The following DYNC1H1 variants were observed in gnomAD, a reference collection of about 807,000 sequenced individuals.
DYNC1H1 encodes dynein cytoplasmic 1 heavy chain 1.
DYNC1H1 carries 51 observed loss-of-function variants against 527.1 expected under a neutral mutation model. That is an observed-to-expected ratio of 0.10 (90% CI 0.08 to 0.12). DYNC1H1 has a LOEUF of 0.12. Ranked by LOEUF, DYNC1H1 falls within the 10% of genes least tolerant of loss-of-function variation. DYNC1H1 has a pLI of 1.00. For missense variants in DYNC1H1, 2,771 were observed against 5,971.8 expected (o/e 0.46, Z 17.66); for synonymous variants, 2,189 against 2,278.8 (o/e 0.96, Z 1.12).
At chr14:102,035,500 C>T (rs1271898425) in intron 56 of DYNC1H1, 2 of 152,162 alleles carry the variant, frequency 1.3e-5, no homozygotes. Flanking sequence ...CCTAAATGAC[C>T]CTTTGACCTA....
chr14:101,971,341 T>C (rs1361054500), intron 1 of DYNC1H1, among the ~76,000 whole-genome samples: 1 of 152,066 alleles, frequency 6.6e-6, no homozygotes. Flanking sequence ...CTCAAAGTAC[T>C]GGGATTACAG....
intron 50 of DYNC1H1, 105 bp from the exon 51 acceptor site, chr14:102,030,057 A>AGAGTGTGT: frequency 6.6e-7 from 1 of 1,520,146 alleles, no homozygotes; most frequent in Non-Finnish European, 9.0e-7. Context: ...AGGGAGAGAG[A>AGAGTGTGT]GTGTGTGTGT....
intron 28 of DYNC1H1, 34 bp from the exon 29 acceptor site, chr14:102,008,144 G>A (rs749837763): frequency 6.2e-7 from 1 of 1,612,406 alleles, no homozygotes; most frequent in South Asian, 1.1e-5. Flanking sequence ...GGCACAGCAG[G>A]TGGTTTTAGC....
At chr14:102,025,341 G>A (rs1438199735) in intron 43 of DYNC1H1, among the ~76,000 whole-genome samples, 1 of 151,930 alleles carries the variant, frequency 6.6e-6, no homozygotes, top group Non-Finnish European at 1.5e-5. Context: ...GGAGGCAGAG[G>A]TTGCAGTGAG....
In DYNC1H1 at chr14:101,964,645, T is replaced by A. The variant is rs17511851; in HGVS notation, c.-47T>A. 87 of 1,548,930 alleles carry A rather than the reference T, an allele frequency of 5.6e-5. No homozygotes were observed. In the African/African-American group the frequency reaches 1.1e-3, roughly 20 times the overall value. On this transcript the variant is annotated 5_prime_UTR_variant, in exon 1 of 78. Coordinates refer to ENST00000360184, the MANE Select transcript of DYNC1H1 (RefSeq NM_001376.5). This position sits in a 1 kb window ranked among gnomAD's most constrained non-coding sequence, Gnocchi z 5.5. ...GTCTCTTGCTGGCTGTCTCGCTGAG[T>A]CGCGGCCGCCTTCTCATCGCTCCTG... is the stretch of plus-strand genomic sequence containing the variant.
In DYNC1H1 at chr14:102,026,727, C is replaced by T. The variant is rs1595622944; in HGVS notation, c.8771+20C>T. The T allele has an allele frequency of 6.2e-7, 1 of 1,612,706 alleles. No homozygotes were observed. The highest frequency in any genetic ancestry group is 1.1e-5 in the South Asian group (1 of 90,932). ...TGACAGGTGGGCTTTTTTGTTGTTA[C>T]AGCCCCACCTCTCGCCTAAGCTGCT... On this transcript the variant is annotated intron_variant, in intron 44 of 77. Transcript: ENST00000360184.
In DYNC1H1 at chr14:102,016,130, G is replaced by T. The variant is rs1422397373; in HGVS notation, c.7473+44G>T. 1 of 1,564,938 alleles carries T rather than the reference G, an allele frequency of 6.4e-7. No homozygotes were observed. Among genetic ancestry groups the T allele is most frequent in the South Asian group, 1.2e-5 (1 of 86,134 alleles). Reference sequence around the variant, plus strand: ...CTTCACAGAGCTCACCACTGCGCCAGACCACAGGTCTGAGGACCTCTGAAA... The same window carrying T: ...CTTCACAGAGCTCACCACTGCGCCATACCACAGGTCTGAGGACCTCTGAAA... On this transcript the variant is annotated intron_variant, in intron 36 of 77. Coordinates refer to ENST00000360184, the MANE Select transcript of DYNC1H1 (RefSeq NM_001376.5). This position sits in a 1 kb window ranked among gnomAD's most constrained non-coding sequence, Gnocchi z 7.3.
intron 34 of DYNC1H1, among the ~76,000 whole-genome samples, chr14:102,013,869 G>A (rs2048289278): frequency 1.3e-5 from 2 of 152,180 alleles, no homozygotes; most frequent in Admixed American, 6.5e-5. Flanking sequence ...GACTATGGCT[G>A]GAGTTTAAAG....
intron 4 of DYNC1H1, 65 bp downstream of exon 4, chr14:101,980,039 T>C (rs1326582476): frequency 2.5e-6 from 4 of 1,610,240 alleles, no homozygotes; most frequent in African/African-American, 2.7e-5. Context: ...GGAAAACTGA[T>C]CTGGATTTTG....
At position 101,965,337 on chromosome 14, in the gene DYNC1H1, G is replaced by A. The variant is rs17540575; in HGVS notation, c.256+390G>A. On this transcript the variant is annotated intron_variant, in intron 1 of 77. Transcript: ENST00000360184. The surrounding 1 kb of genome is among the most constrained non-coding windows in gnomAD (Gnocchi z 4.1). ...GAGACAGCGTCTCCCTGGGCTGAGAGCGGGCGAGGCCGCATCCCTGCCTCC... is the reference window on the plus strand; with the variant it reads ...GAGACAGCGTCTCCCTGGGCTGAGAACGGGCGAGGCCGCATCCCTGCCTCC... Among the ~76,000 whole-genome samples, 9,077 of 152,312 alleles carry A rather than the reference G, an allele frequency of 0.06. 308 individuals are homozygous for A. The highest frequency in any genetic ancestry group is 0.13 in the South Asian group (617 of 4,832).
At chr14:102,009,327 A>G (rs1384336798) in intron 29 of DYNC1H1, 1 of 163,210 alleles carries the variant, frequency 6.1e-6, no homozygotes, top group African/African-American at 2.4e-5. Flanking sequence ...AAATAAAACA[A>G]AAGGAGTGTG....
rs1339125753 is a variant in DYNC1H1 at position 102,003,427 on chromosome 14, AATTTTTAT to A, written c.4883+470_4883+477del. Among the ~76,000 whole-genome samples the A allele has an allele frequency of 3.3e-5, 5 of 151,976 alleles. No individual in the cohort carries two copies. In the East Asian group the frequency reaches 5.8e-4, roughly 18 times the overall value. ...CAGGTGCCCACCACCACACCCGGCTAATTTTTATATTTTTAGTAGAGATGGGTTTTCGC... is the reference window on the plus strand; with the variant it reads ...CAGGTGCCCACCACCACACCCGGCTAATTTTTAGTAGAGATGGGTTTTCGC... On this transcript the variant is annotated intron_variant, in intron 23 of 77. Coordinates refer to ENST00000360184, the MANE Select transcript of DYNC1H1 (RefSeq NM_001376.5).
At position 101,997,851 on chromosome 14, in the gene DYNC1H1, C is replaced by T. The variant is rs566918656; in HGVS notation, c.3804+577C>T. On this transcript the variant is annotated intron_variant, in intron 16 of 77. Transcript: ENST00000360184. The surrounding 1 kb of genome is among the most constrained non-coding windows in gnomAD (Gnocchi z 4.8). ...AGAGCCTCCTACCTTCATGGAATCA[C>T]GCTCCGTGGGAGAGAGAAAAAAAAT... Among the ~76,000 whole-genome samples, 1 of 152,240 alleles carries T rather than the reference C, an allele frequency of 6.6e-6. No homozygotes were observed. Among genetic ancestry groups the T allele is most frequent in the African/African-American group, 2.4e-5 (1 of 41,520 alleles).
intron 41 of DYNC1H1, 94 bp from the exon 42 acceptor site, chr14:102,019,799 T>G: frequency 1.3e-6 from 2 of 1,505,332 alleles, no homozygotes; most frequent in East Asian, 4.5e-5. Context: ...CTAGGTTCTT[T>G]AATGTAAACA....
chr14:102,022,909 C>T (rs2048402600), intron 43 of DYNC1H1, 29 bp downstream of exon 43: 1 of 1,614,014 alleles, frequency 6.2e-7, no homozygotes, highest in Non-Finnish European at 8.5e-7. Flanking sequence ...TTCAGACATA[C>T]TTCTTTTTCT....
At chr14:102,013,819 C>T (rs2048288577) in intron 34 of DYNC1H1, among the ~76,000 whole-genome samples, 1 of 152,128 alleles carries the variant, frequency 6.6e-6, no homozygotes, top group Non-Finnish European at 1.5e-5. Flanking sequence ...GCACCAGGGA[C>T]GGGGCGAGCT....
intron 34 of DYNC1H1, among the ~76,000 whole-genome samples, chr14:102,013,191 G>A (rs1412630358): frequency 1.4e-5 from 2 of 145,938 alleles, no homozygotes; most frequent in African/African-American, 5.1e-5. Flanking sequence ...GGATGTTGCA[G>A]TGAGCCGAGA....
rs1229641055 is a variant in DYNC1H1 at position 101,970,537 on chromosome 14, C to G, written c.257-5175C>G. ...TTGCTCTGTCACCCAGGCTGGAGTG[C>G]AGTGGCACGATCTCCGCTCACTGCA... is the stretch of plus-strand genomic sequence containing the variant. On this transcript the variant is annotated intron_variant, in intron 1 of 77. Transcript: ENST00000360184. 5.0e-5 allele frequency among the ~76,000 whole-genome samples: 6 copies of G among 121,196 alleles called. No homozygotes were observed. In the Admixed American group the frequency reaches 6.6e-4, roughly 13 times the overall value. 79.5% of individuals were successfully genotyped at this position (121,196 alleles called of 152,430 possible).
intron 27 of DYNC1H1, 93 bp from the exon 28 acceptor site, chr14:102,006,915 T>G (rs1278546752): frequency 7.0e-7 from 1 of 1,435,604 alleles, no homozygotes; most frequent in East Asian, 2.3e-5. Flanking sequence ...TTGGATTTTT[T>G]AAATGAGTTG....
Sources: gnomAD v4.1 joint callset for allele counts (sites outside exome capture counted in the v4.1 genomes callset) on GRCh38, gnomAD v4.1.1 for gene constraint, Gnocchi (gnomAD v3.1) non-coding constraint, MANE v1.5 for transcripts, NCBI Gene and HGNC (gene_info 2026-07-23, HGNC 2026-07-21) for gene names.